Variants in DRC11 observed in about 807,000 individuals in gnomAD.
The protein encoded by DRC11 is dynein regulatory complex subunit 11, also known as IQ and AAA domain-containing protein 1.
the DRC11 span, among the ~76,000 whole-genome samples, chr2:236,386,350 G>GAGCTCT: frequency 1.3e-5 from 2 of 151,976 alleles, no homozygotes; most frequent in Non-Finnish European, 2.9e-5. Context: ...TCCTGTTATT[G>GAGCTCT]GTCTATTCAG....
At chr2:236,313,154 G>A in the DRC11 span, among the ~76,000 whole-genome samples, 1 of 152,166 alleles carries the variant, frequency 6.6e-6, no homozygotes, top group East Asian at 1.9e-4. The surrounding 1 kb of genome is among the most constrained non-coding windows in gnomAD (Gnocchi z 4.5). Flanking sequence ...AGAATATTTT[G>A]CTACTGATTT....
At chr2:236,326,410 GCTGA>G in the DRC11 span, among the ~76,000 whole-genome samples, 8 of 151,900 alleles carry the variant, frequency 5.3e-5, no homozygotes, top group Admixed American at 6.6e-5. Context: ...GTTTTTTTGT[GCTGA>G]CTATTTGGGG....
At chr2:236,371,839 C>T in the DRC11 span, among the ~76,000 whole-genome samples, 3 of 152,108 alleles carry the variant, frequency 2.0e-5, no homozygotes, top group Non-Finnish European at 4.4e-5. The surrounding 1 kb of genome is among the most constrained non-coding windows in gnomAD (Gnocchi z 5.1). Flanking sequence ...CCCTGAGCAT[C>T]TTATGTATGT....
At chr2:236,497,482 T>C in the DRC11 span, 2 of 1,601,602 alleles carry the variant, frequency 1.2e-6, no homozygotes, top group Non-Finnish European at 8.5e-7. The surrounding 1 kb of genome is among the most constrained non-coding windows in gnomAD (Gnocchi z 5.1). Flanking sequence ...CATCTTATTA[T>C]ACATTCTGGG....
the DRC11 span, among the ~76,000 whole-genome samples, chr2:236,420,754 G>A: frequency 6.6e-6 from 1 of 152,118 alleles, no homozygotes; most frequent in African/African-American, 2.4e-5. The surrounding 1 kb of genome is among the most constrained non-coding windows in gnomAD (Gnocchi z 4.8). Flanking sequence ...AGGCTGCTGT[G>A]AGCTATGATC....
At chr2:236,459,519 A>G in the DRC11 span, among the ~76,000 whole-genome samples, 83 of 93,098 alleles carry the variant, frequency 8.9e-4, no homozygotes, top group African/African-American at 2.6e-3. Flanking sequence ...ATACGTATAC[A>G]TGTATACATG....
chr2:236,371,973 GTCT>G, the DRC11 span, among the ~76,000 whole-genome samples: 2 of 152,162 alleles, frequency 1.3e-5, no homozygotes, highest in Non-Finnish European at 2.9e-5. The surrounding 1 kb of genome is among the most constrained non-coding windows in gnomAD (Gnocchi z 5.1). Context: ...TTATTAGAAT[GTCT>G]TCTTGATCAA....
chr2:236,314,930 A>G, the DRC11 span, among the ~76,000 whole-genome samples: 2 of 152,180 alleles, frequency 1.3e-5, no homozygotes, highest in Non-Finnish European at 2.9e-5. This position sits in a 1 kb window ranked among gnomAD's most constrained non-coding sequence, Gnocchi z 4.5. Context: ...TTTTTGGTGG[A>G]AATGCATAAG....
At chr2:236,364,381 CAT>C in the DRC11 span, among the ~76,000 whole-genome samples, 1 of 147,804 alleles carries the variant, frequency 6.8e-6, no homozygotes, top group African/African-American at 2.5e-5. Flanking sequence ...AATGTGGAGA[CAT>C]AGACGATAAG....
At chr2:236,457,016 C>T in the DRC11 span, among the ~76,000 whole-genome samples, 1 of 152,192 alleles carries the variant, frequency 6.6e-6, no homozygotes, top group Non-Finnish European at 1.5e-5. This position sits in a 1 kb window ranked among gnomAD's most constrained non-coding sequence, Gnocchi z 4.7. Context: ...CCCACCTGGG[C>T]TTCAGGCTTC....
At chr2:236,361,213 G>A in the DRC11 span, among the ~76,000 whole-genome samples, 1 of 152,146 alleles carries the variant, frequency 6.6e-6, no homozygotes, top group Non-Finnish European at 1.5e-5. This position sits in a 1 kb window ranked among gnomAD's most constrained non-coding sequence, Gnocchi z 5.7. Flanking sequence ...GTAAGTGCTA[G>A]AACTGAAAAG....
the DRC11 span, among the ~76,000 whole-genome samples, chr2:236,307,306 C>T: frequency 2.6e-5 from 4 of 152,166 alleles, no homozygotes; most frequent in African/African-American, 7.2e-5. This position sits in a 1 kb window ranked among gnomAD's most constrained non-coding sequence, Gnocchi z 7.0. Context: ...CCTACGACAG[C>T]GCCCCAGGCT....
At chr2:236,488,240 T>A in the DRC11 span, 2 of 1,358,776 alleles carry the variant, frequency 1.5e-6, no homozygotes, top group Non-Finnish European at 2.0e-6. Context: ...GTTAACCACA[T>A]CAATTGATCC....
chr2:236,358,325 AAT>A, the DRC11 span, among the ~76,000 whole-genome samples: 41 of 134,214 alleles, frequency 3.1e-4, no homozygotes, highest in South Asian at 4.3e-4. Flanking sequence ...ATACTATATG[AAT>A]ATATATGATA....
chr2:236,395,017 C>T, the DRC11 span, among the ~76,000 whole-genome samples: 76 of 152,310 alleles, frequency 5.0e-4, no homozygotes, highest in Middle Eastern at 6.8e-3. Flanking sequence ...TACAAACAGA[C>T]AGAAAATAAA....
chr2:236,354,192 ATG>A, the DRC11 span, among the ~76,000 whole-genome samples: 32 of 90,550 alleles, frequency 3.5e-4, no homozygotes, highest in South Asian at 6.6e-3. Flanking sequence ...TCTGTGGTCA[ATG>A]TGTGTGTGTG....
At chr2:236,407,410 C>T in the DRC11 span, among the ~76,000 whole-genome samples, 2 of 152,172 alleles carry the variant, frequency 1.3e-5, no homozygotes, top group African/African-American at 2.4e-5. Context: ...GGAGTCTACA[C>T]CATGGGCCCT....
chr2:236,311,720 G>C, the DRC11 span, among the ~76,000 whole-genome samples: 3 of 151,974 alleles, frequency 2.0e-5, no homozygotes, highest in East Asian at 3.9e-4. The surrounding 1 kb of genome is among the most constrained non-coding windows in gnomAD (Gnocchi z 6.9). Flanking sequence ...GTGTGTGTGT[G>C]TGTGTGTGTG....
chr2:236,486,702 G>T, the DRC11 span: 2 of 673,754 alleles, frequency 3.0e-6, no homozygotes, highest in South Asian at 1.9e-5. This position sits in a 1 kb window ranked among gnomAD's most constrained non-coding sequence, Gnocchi z 5.7. Flanking sequence ...CCATATGGGT[G>T]ACTCCATTCC....
Sources: allele counts gnomAD v4.1 joint callset (sites outside exome capture counted in the v4.1 genomes callset), GRCh38; gene constraint gnomAD v4.1.1; non-coding constraint Gnocchi (gnomAD v3.1); transcripts MANE v1.5; gene names NCBI Gene and HGNC (gene_info 2026-07-23, HGNC 2026-07-21).